RASA3: variants seen among roughly 807,000 people sequenced by gnomAD.
The protein encoded by RASA3 is RAS p21 protein activator 3.
Under a neutral mutation model 110.0 loss-of-function variants are expected in RASA3, and 73 were observed. The ratio of observed to expected loss-of-function variants is 0.66; its 90% CI spans 0.55 to 0.81. The LOEUF (loss-of-function observed/expected upper bound fraction) is 0.81. Ranked by LOEUF, RASA3 falls within the 30% of genes least tolerant of loss-of-function variation. The pLI is 0.00. For missense variants in RASA3, 976 were observed against 1,113.2 expected (o/e 0.88, Z 1.75); for synonymous variants, 500 against 451.4 (o/e 1.11, Z -1.37).
chr13:114,043,590 C>T (rs1228987174), intron 3 of RASA3, among the ~76,000 whole-genome samples: 1 of 152,122 alleles, frequency 6.6e-6, no homozygotes, highest in Non-Finnish European at 1.5e-5. Context: ...CACAGACATA[C>T]ACAGGCCATC....
chr13:114,100,478 T>G (rs543827476), intron 1 of RASA3, among the ~76,000 whole-genome samples: 53 of 152,340 alleles, frequency 3.5e-4, no homozygotes, highest in African/African-American at 1.3e-3. Flanking sequence ...GCGGAGGACG[T>G]GATGCTCAGA....
At position 114,056,530 on chromosome 13, in the gene RASA3, T is replaced by C. The variant is rs1344595285; in HGVS notation, c.174-4375A>G. On this transcript the variant is annotated intron_variant, in intron 2 of 23. Transcript: ENST00000334062. This position sits in a 1 kb window ranked among gnomAD's most constrained non-coding sequence, Gnocchi z 5.7. ...CCGGTAGCGGGGTGTTCAGTTGCTC[T>C]GCCAAAGGCTCTGCACAAGTGGCTC... is the stretch of plus-strand genomic sequence containing the variant. The C allele has an allele frequency of 3.9e-5, 38 of 984,820 alleles. No individual in the cohort carries two copies. Among genetic ancestry groups the C allele is most frequent in the Non-Finnish European group, 4.3e-5 (36 of 829,898 alleles). The allele number at this position is 984,820 out of a possible 1,614,324, so 61.0% of individuals were successfully genotyped here.
At chr13:114,079,208 C>T (rs992171892) in intron 1 of RASA3, among the ~76,000 whole-genome samples, 12 of 152,234 alleles carry the variant, frequency 7.9e-5, no homozygotes, top group African/African-American at 2.2e-4. Context: ...GTACTGGCCG[C>T]GTCCACCCAG....
intron 20 of RASA3, among the ~76,000 whole-genome samples, chr13:113,998,182 G>C (rs2053298956): frequency 1.3e-5 from 2 of 152,176 alleles, no homozygotes; most frequent in Admixed American, 1.3e-4. Context: ...CTTCCTTCGA[G>C]GGACGGTCTC....
intron 3 of RASA3, 52 bp from the exon 4 acceptor site, chr13:114,041,146 G>A: frequency 6.6e-7 from 1 of 1,504,502 alleles, no homozygotes; most frequent in African/African-American, 1.4e-5. Flanking sequence ...CCAGAGCCAG[G>A]ACGCCTGTGA....
chr13:114,090,977 C>G (rs1033767555), intron 1 of RASA3, among the ~76,000 whole-genome samples: 2 of 151,978 alleles, frequency 1.3e-5, no homozygotes, highest in Non-Finnish European at 2.9e-5. Context: ...TCAGTAATAC[C>G]AGAAATGCAT....
chr13:114,051,606 G>C (rs918598579), intron 3 of RASA3, among the ~76,000 whole-genome samples: 2 of 152,226 alleles, frequency 1.3e-5, no homozygotes, highest in African/African-American at 2.4e-5. Flanking sequence ...CAAAAACCAG[G>C]GGGAAACTGA....
chr13:114,000,292 T>TG (rs1420812699), intron 19 of RASA3, among the ~76,000 whole-genome samples: 1 of 152,014 alleles, frequency 6.6e-6, no homozygotes, highest in Non-Finnish European at 1.5e-5. Context: ...TGAGGAAGCC[T>TG]GGGACCCACC....
rs143331119 is a variant in RASA3, at chr13:114,045,274, G to T, written c.278-4180C>A. Among the ~76,000 whole-genome samples, 401 of 152,334 alleles carry T rather than the reference G, an allele frequency of 2.6e-3. 2 individuals carry two copies. The highest frequency in any genetic ancestry group is 9.4e-3 in the African/African-American group (390 of 41,570). ...CCATCTATTTGAGTCACACCGAAAAGTTTACCGAACACTCTGGGCCTCCCT... is the reference window on the plus strand; with the variant it reads ...CCATCTATTTGAGTCACACCGAAAATTTTACCGAACACTCTGGGCCTCCCT... On this transcript the variant is annotated intron_variant, in intron 3 of 23. Coordinates refer to ENST00000334062, the MANE Select transcript of RASA3 (RefSeq NM_007368.4).
intron 1 of RASA3, among the ~76,000 whole-genome samples, chr13:114,108,224 AC>A (rs1232469648): frequency 1.0e-5 from 1 of 99,416 alleles, no homozygotes; most frequent in African/African-American, 3.9e-5. Context: ...CGTGTCTGTC[AC>A]CCCGCGTCTG....
intron 2 of RASA3, among the ~76,000 whole-genome samples, chr13:114,054,385 T>A (rs1409365774): frequency 1.3e-5 from 2 of 152,172 alleles, no homozygotes; most frequent in African/African-American, 4.8e-5. Flanking sequence ...AACCAGGAGA[T>A]ACGGCACAGG....
At chr13:114,040,818 A>G (rs112574436) in intron 4 of RASA3, among the ~76,000 whole-genome samples, 182 bp downstream of exon 4, 30,376 of 146,698 alleles carry the variant, frequency 0.21, 3,080 homozygotes, top group South Asian at 0.27. Flanking sequence ...ACAACCCAAA[A>G]TCCATGGCGG....
At chr13:114,064,547 G>A (rs1385058397) in intron 2 of RASA3, among the ~76,000 whole-genome samples, 1 of 152,192 alleles carries the variant, frequency 6.6e-6, no homozygotes, top group Non-Finnish European at 1.5e-5. Flanking sequence ...CAGCAGGAAG[G>A]TTTGTGCTTT....
intron 8 of RASA3, among the ~76,000 whole-genome samples, chr13:114,023,903 G>A (rs1034097285): frequency 6.6e-6 from 1 of 152,182 alleles, no homozygotes; most frequent in African/African-American, 2.4e-5. Flanking sequence ...GGTCCTGCTC[G>A]GTCAGGGCCA....
intron 1 of RASA3, among the ~76,000 whole-genome samples, chr13:114,127,804 C>G (rs1007018939): frequency 6.6e-6 from 1 of 152,206 alleles, no homozygotes; most frequent in African/African-American, 2.4e-5. Context: ...AACTCGGATC[C>G]CAGGAGCCCG....
chr13:114,023,301 G>A (rs2053965108), intron 8 of RASA3, among the ~76,000 whole-genome samples: 3 of 151,690 alleles, frequency 2.0e-5, no homozygotes, highest in African/African-American at 4.8e-5. Flanking sequence ...AGGCTTGGGG[G>A]CATCCCAGGC....
At chr13:114,061,353 T>TAA (rs1258006180) in intron 2 of RASA3, among the ~76,000 whole-genome samples, 3 of 152,088 alleles carry the variant, frequency 2.0e-5, no homozygotes, top group Non-Finnish European at 4.4e-5. Context: ...AAAAGGTTTC[T>TAA]AAAAACCCCA....
chr13:114,015,605 T>C (rs2053772986), intron 13 of RASA3, among the ~76,000 whole-genome samples: 2 of 152,370 alleles, frequency 1.3e-5, no homozygotes, highest in South Asian at 2.1e-4. Context: ...TTCACTAGAA[T>C]GTGCCTGCCC....
At chr13:114,098,694 C>A (rs900284565) in intron 1 of RASA3, among the ~76,000 whole-genome samples, 2 of 151,946 alleles carry the variant, frequency 1.3e-5, no homozygotes, top group Non-Finnish European at 2.9e-5. Context: ...AGAGACCAGC[C>A]CAGACCCAGG....
Sources: allele counts gnomAD v4.1 joint callset (sites outside exome capture counted in the v4.1 genomes callset), GRCh38; gene constraint gnomAD v4.1.1; non-coding constraint Gnocchi (gnomAD v3.1); transcripts MANE v1.5; gene names NCBI Gene and HGNC (gene_info 2026-07-23, HGNC 2026-07-21).